NR2C1: variants seen among roughly 807,000 people sequenced by gnomAD.
The protein encoded by NR2C1 is nuclear receptor subfamily 2 group C member 1, also known as TR2 nuclear hormone receptor.
A neutral mutation model predicts 74.8 loss-of-function variants in NR2C1; 33 were observed. The ratio of observed to expected loss-of-function variants is 0.44; its 90% CI spans 0.33 to 0.59. NR2C1 has a LOEUF of 0.59. NR2C1 is among the 20% of genes least tolerant of loss of function. The probability of loss-of-function intolerance (pLI) is 0.02; values close to 1 mark genes in which losing one functional copy is unlikely to be tolerated. For synonymous variants in NR2C1, 225 were observed against 240.6 expected (o/e 0.94, Z 0.60); for missense variants, 568 against 715.6 (o/e 0.79, Z 2.35).
intron 3 of NR2C1, among the ~76,000 whole-genome samples, chr12:95,061,385 G>T (rs61938164): frequency 1.3e-5 from 2 of 152,086 alleles, no homozygotes; most frequent in Admixed American, 6.5e-5. Context: ...TGTATTTACG[G>T]GGGAGTAATA....
At chr12:95,051,660 G>T in intron 8 of NR2C1, 102 bp downstream of exon 8, 1 of 1,031,998 alleles carries the variant, frequency 9.7e-7, no homozygotes, top group Non-Finnish European at 1.4e-6. Context: ...ACCTGTATTT[G>T]TTTTCTGAAA....
chr12:95,036,570 G>C (rs1481771583), intron 10 of NR2C1, among the ~76,000 whole-genome samples: 1 of 151,290 alleles, frequency 6.6e-6, no homozygotes, highest in Non-Finnish European at 1.5e-5. Context: ...GAGTACAGTG[G>C]CATGATCTCA....
chr12:95,029,504 A>G (rs1462678463), intron 11 of NR2C1, among the ~76,000 whole-genome samples: 2 of 151,542 alleles, frequency 1.3e-5, no homozygotes, highest in African/African-American at 4.9e-5. Context: ...TTGGCTTGTT[A>G]AAAAAAACAA....
Position 95,063,851 on chromosome 12 carries a change from G to A in NR2C1, c.55-1113C>T, listed in dbSNP as rs538453722. 7.3e-5 allele frequency among the ~76,000 whole-genome samples: 11 copies of A among 151,364 alleles called. No homozygotes were observed. The East Asian group carries it at 1.4e-3, about 19-fold the overall frequency. ...TCAAGCCCAGCCTGGCCAAAATGAC[G>A]AAACCCTGTCTCTACTAAAATATAA... On this transcript the variant is annotated intron_variant, in intron 2 of 13. Transcript: ENST00000333003.
At chr12:95,053,828 C>T (rs1488568367) in intron 7 of NR2C1, among the ~76,000 whole-genome samples, 1 of 151,890 alleles carries the variant, frequency 6.6e-6, no homozygotes, top group Non-Finnish European at 1.5e-5. Flanking sequence ...GGACTACAGG[C>T]GCCCGCCACC....
chr12:95,026,430 A>T (rs1479200648), intron 12 of NR2C1, among the ~76,000 whole-genome samples: 3 of 152,178 alleles, frequency 2.0e-5, no homozygotes, highest in Non-Finnish European at 4.4e-5. Flanking sequence ...ATATTAAAAG[A>T]ACTTCATAAA....
At chr12:95,048,007 T>G (rs1228452646) in intron 9 of NR2C1, among the ~76,000 whole-genome samples, 1 of 152,228 alleles carries the variant, frequency 6.6e-6, no homozygotes, top group Non-Finnish European at 1.5e-5. Context: ...TAAATGTACC[T>G]TCTCCAAAAT....
At chr12:95,069,111 T>G (rs1396720018) in intron 1 of NR2C1, among the ~76,000 whole-genome samples, 5 of 152,248 alleles carry the variant, frequency 3.3e-5, no homozygotes, top group Non-Finnish European at 7.3e-5. Flanking sequence ...AAGTGTTTGA[T>G]GCTTTTAAAT....
intron 7 of NR2C1, 85 bp from the exon 8 acceptor site, chr12:95,052,028 G>T: frequency 1.2e-6 from 1 of 851,668 alleles, no homozygotes; most frequent in Non-Finnish European, 1.7e-6. Context: ...ATTATGATAT[G>T]CCAACAAAAG....
chr12:95,029,860 C>A (rs1468981981), intron 11 of NR2C1, among the ~76,000 whole-genome samples: 1 of 151,946 alleles, frequency 6.6e-6, no homozygotes, highest in Non-Finnish European at 1.5e-5. Flanking sequence ...CCCAACACCC[C>A]CCTCCCCACC....
chr12:95,059,986 T>TAAAGAAA lies in NR2C1; in HGVS notation c.286-3_286-2insTTTCTTT. ...GTCTGGAGAATTATCTGTTAGGAGC[T>TAAAGAAA]AAAAAAAAAAAAAAAAAAAAAGAAA... On this transcript the variant is annotated splice_region_variant and splice_polypyrimidine_tract_variant and intron_variant, in intron 3 of 13. Transcript: ENST00000333003. 1 of 1,072,598 alleles carries TAAAGAAA rather than the reference T, an allele frequency of 9.3e-7. No homozygotes were observed. The highest frequency in any genetic ancestry group is 1.2e-6 in the Non-Finnish European group (1 of 825,742). 66.4% of individuals were successfully genotyped at this position (1,072,598 alleles called of 1,614,324 possible).
At chr12:95,028,669 G>T in intron 11 of NR2C1, 145 bp from the exon 12 acceptor site, 1 of 619,906 alleles carries the variant, frequency 1.6e-6, no homozygotes. Flanking sequence ...CTGTCGCCCA[G>T]GTGGCAGTGC....
At chr12:95,041,881 T>G (rs575985906) in intron 9 of NR2C1, among the ~76,000 whole-genome samples, 188 of 152,290 alleles carry the variant, frequency 1.2e-3, no homozygotes, top group African/African-American at 4.4e-3. Context: ...AACAATGAAA[T>G]TAAATGCTGG....
chr12:95,027,820 AT>A (rs1869550786), intron 12 of NR2C1, among the ~76,000 whole-genome samples: 1 of 152,126 alleles, frequency 6.6e-6, no homozygotes, highest in Non-Finnish European at 1.5e-5. Flanking sequence ...ATTTTGGAAC[AT>A]TTTTGTCACT....
chr12:95,049,257 T>C (rs1225617263), intron 8 of NR2C1, 24 bp from the exon 9 acceptor site: 2 of 1,600,962 alleles, frequency 1.2e-6, no homozygotes, highest in Non-Finnish European at 8.5e-7. Context: ...TCAGAAGCTA[T>C]GAGCTTGACC....
chr12:95,056,317 T>C (rs1036738884), intron 7 of NR2C1, among the ~76,000 whole-genome samples: 5 of 152,304 alleles, frequency 3.3e-5, no homozygotes, highest in Middle Eastern at 6.8e-3. Flanking sequence ...CTTCCTAAAA[T>C]CTGTTTTCAG....
chr12:95,038,447 A>AG (rs1871129271), intron 10 of NR2C1, among the ~76,000 whole-genome samples: 1 of 152,238 alleles, frequency 6.6e-6, no homozygotes, highest in African/African-American at 2.4e-5. Flanking sequence ...AGTGAACTAC[A>AG]CTTAATATTT....
intron 13 of NR2C1, among the ~76,000 whole-genome samples, chr12:95,022,870 G>GT (rs557280268): frequency 0.022 from 3,089 of 142,536 alleles, 55 homozygotes; most frequent in Non-Finnish European, 0.03. Context: ...AATTGTGTTT[G>GT]TTTTTTTTTT....
At chr12:95,042,165 A>G (rs947949513) in intron 9 of NR2C1, among the ~76,000 whole-genome samples, 3 of 151,068 alleles carry the variant, frequency 2.0e-5, no homozygotes, top group Non-Finnish European at 4.4e-5. Context: ...ATGTGTCCAT[A>G]TGTATTTTTC....
Sources: allele counts gnomAD v4.1 joint callset (sites outside exome capture counted in the v4.1 genomes callset), GRCh38; gene constraint gnomAD v4.1.1; transcripts MANE v1.5; gene names NCBI Gene and HGNC (gene_info 2026-07-23, HGNC 2026-07-21).